Variants in CAMK2D observed in about 807,000 individuals in gnomAD.
The protein encoded by CAMK2D is calcium/calmodulin dependent protein kinase II delta.
Under a neutral mutation model 84.0 loss-of-function variants are expected in CAMK2D, and 37 were observed. The ratio of observed to expected loss-of-function variants is 0.44; its 90% CI spans 0.34 to 0.58. CAMK2D has a LOEUF of 0.58. CAMK2D is among the 20% of genes least tolerant of loss of function. The pLI is 0.02. For synonymous variants in CAMK2D, 202 were observed against 212.5 expected (o/e 0.95, Z 0.43); for missense variants, 448 against 652.5 (o/e 0.69, Z 3.41).
chr4:113,640,966 G>A (rs1205527243), intron 3 of CAMK2D, among the ~76,000 whole-genome samples: 1 of 152,156 alleles, frequency 6.6e-6, no homozygotes, highest in Non-Finnish European at 1.5e-5. Context: ...TCAATGCTCT[G>A]TAGAAAACAT....
chr4:113,509,411 A>AT (rs1275925055), intron 13 of CAMK2D, among the ~76,000 whole-genome samples: 1 of 152,140 alleles, frequency 6.6e-6, no homozygotes. Flanking sequence ...TAACAACATT[A>AT]TTTTTTCATG....
chr4:113,473,621 G>A (rs2097571813), intron 16 of CAMK2D, among the ~76,000 whole-genome samples: 1 of 151,796 alleles, frequency 6.6e-6, no homozygotes, highest in African/African-American at 2.4e-5. Context: ...AATTACTAGA[G>A]GCTTTCAGGA....
chr4:113,513,142 A>G (rs1353826806), intron 12 of CAMK2D, 186 bp downstream of exon 12: 1 of 983,890 alleles, frequency 1.0e-6, no homozygotes, highest in Non-Finnish European at 1.2e-6. Context: ...GCTCGGCAGC[A>G]GACAGCACCC....
At chr4:113,606,449 C>T (rs1260289402) in intron 4 of CAMK2D, among the ~76,000 whole-genome samples, 6 of 151,072 alleles carry the variant, frequency 4.0e-5, no homozygotes, top group African/African-American at 1.5e-4. Flanking sequence ...AAGCCTGAAT[C>T]GCACCACTGC....
chr4:113,518,142 T>G (rs1406430216), intron 8 of CAMK2D, among the ~76,000 whole-genome samples: 1 of 152,200 alleles, frequency 6.6e-6, no homozygotes, highest in Non-Finnish European at 1.5e-5. Flanking sequence ...CCATAGTCCC[T>G]GCAAATGTGG....
At chr4:113,574,831 G>A (rs941364228) in intron 4 of CAMK2D, among the ~76,000 whole-genome samples, 1 of 152,202 alleles carries the variant, frequency 6.6e-6, no homozygotes, top group Non-Finnish European at 1.5e-5. Flanking sequence ...CAAATGGCTA[G>A]AGAACACATA....
chr4:113,522,243 T>C (rs921063130), intron 8 of CAMK2D, among the ~76,000 whole-genome samples: 3 of 152,204 alleles, frequency 2.0e-5, no homozygotes, highest in Non-Finnish European at 2.9e-5. Context: ...TCTGAGAAGA[T>C]AGTAGGAAGT....
chr4:113,581,528 A>AAAG (rs1553974020), intron 4 of CAMK2D, among the ~76,000 whole-genome samples: 28 of 138,058 alleles, frequency 2.0e-4, no homozygotes, highest in Middle Eastern at 3.6e-3. Flanking sequence ...AAAAAAAAAA[A>AAAG]AAAAAGAAAA....
intron 18 of CAMK2D, among the ~76,000 whole-genome samples, chr4:113,458,690 T>G (rs934717834): frequency 1.3e-5 from 2 of 152,206 alleles, no homozygotes; most frequent in Non-Finnish European, 2.9e-5. Context: ...TAGTTCTTTT[T>G]GTTTATTTGT....
intron 16 of CAMK2D, among the ~76,000 whole-genome samples, chr4:113,500,200 G>C (rs933878234): frequency 6.6e-6 from 1 of 151,932 alleles, no homozygotes; most frequent in African/African-American, 2.4e-5. Flanking sequence ...CTCATTATTA[G>C]TTGTCATTAC....
chr4:113,479,778 C>A (rs571079219), intron 16 of CAMK2D, among the ~76,000 whole-genome samples: 6 of 152,104 alleles, frequency 3.9e-5, no homozygotes, highest in African/African-American at 1.4e-4. Flanking sequence ...TGTTTAAAAA[C>A]ACACACACAG....
At chr4:113,526,092 T>C (rs1227932725) in intron 8 of CAMK2D, among the ~76,000 whole-genome samples, 1 of 152,204 alleles carries the variant, frequency 6.6e-6, no homozygotes, top group Non-Finnish European at 1.5e-5. Flanking sequence ...ATGACCAAGA[T>C]ATGTAACAAA....
chr4:113,509,590 C>T, intron 13 of CAMK2D, 48 bp downstream of exon 13: 2 of 1,175,854 alleles, frequency 1.7e-6, no homozygotes, highest in Non-Finnish European at 2.6e-6. Context: ...TAAAGATTAT[C>T]CAGCATCTGA....
At chr4:113,709,421 G>A (rs1167234895) in intron 2 of CAMK2D, among the ~76,000 whole-genome samples, 3 of 151,928 alleles carry the variant, frequency 2.0e-5, no homozygotes, top group East Asian at 3.9e-4. Context: ...CCCACATCTT[G>A]CAATTCAATT....
intron 16 of CAMK2D, among the ~76,000 whole-genome samples, chr4:113,489,151 T>TTTA (rs1002073011): frequency 4.0e-5 from 6 of 151,822 alleles, no homozygotes; most frequent in African/African-American, 1.5e-4. Context: ...CTTTTTTTTT[T>TTTA]ATTATACTTT....
At chr4:113,533,612 A>T (rs914216947) in intron 7 of CAMK2D, among the ~76,000 whole-genome samples, 4 of 152,110 alleles carry the variant, frequency 2.6e-5, no homozygotes, top group Admixed American at 2.0e-4. Flanking sequence ...GAGACATAAC[A>T]GCAACAAAGC....
chr4:113,601,406 C>A (rs747003312), intron 4 of CAMK2D, among the ~76,000 whole-genome samples: 5 of 151,674 alleles, frequency 3.3e-5, no homozygotes, highest in Admixed American at 2.6e-4. Flanking sequence ...AAAAGGAACA[C>A]GATCCGGATA....
At chr4:113,574,071 T>C (rs1291348857) in intron 4 of CAMK2D, among the ~76,000 whole-genome samples, 1 of 152,204 alleles carries the variant, frequency 6.6e-6, no homozygotes, top group African/African-American at 2.4e-5. Context: ...TCACAACTCC[T>C]ACCCGTGCAC....
intron 14 of CAMK2D, 49 bp from the exon 15 acceptor site, chr4:113,503,026 A>G (rs2098078182): frequency 7.5e-7 from 1 of 1,325,974 alleles, no homozygotes; most frequent in Admixed American, 1.7e-5. Context: ...TGGTAAGTAC[A>G]TTCTTTCTAG....
Sources: allele counts gnomAD v4.1 joint callset (sites outside exome capture counted in the v4.1 genomes callset), GRCh38; gene constraint gnomAD v4.1.1; transcripts MANE v1.5; gene names NCBI Gene and HGNC (gene_info 2026-07-23, HGNC 2026-07-21).